The following SMAD6 variants were observed in gnomAD, a reference collection of about 807,000 sequenced individuals.
SMAD6 encodes SMAD family member 6.
Under a neutral mutation model 39.4 loss-of-function variants are expected in SMAD6, and 103 were observed. That is an observed-to-expected ratio of 2.62 (90% CI 2.23 to 3.08). SMAD6 has a LOEUF of 3.08. Ranked by LOEUF, SMAD6 falls within the 30% of genes most tolerant of loss-of-function variation. The pLI is 0.00. For synonymous variants in SMAD6, 445 were observed against 353.3 expected (o/e 1.26, Z -2.91); for missense variants, 1,104 against 742.9 (o/e 1.49, Z -5.65).
intron 1 of SMAD6, among the ~76,000 whole-genome samples, chr15:66,710,043 G>C (rs1174643266): frequency 6.6e-6 from 1 of 152,238 alleles, no homozygotes; most frequent in Admixed American, 6.5e-5. Flanking sequence ...AGGGGTGTAA[G>C]ACAGGGCATC....
intron 3 of SMAD6, chr15:66,740,669 G>A (rs1893797739): frequency 6.6e-6 from 1 of 152,184 alleles, no homozygotes; most frequent in African/African-American, 2.4e-5. Context: ...GCTTGATAAG[G>A]GATGGGGGTT....
rs762357095 is a variant in SMAD6 at position 66,781,242 on chromosome 15, G to T, written c.1198G>T (p.Val400Leu). 1.2e-6 allele frequency: 2 copies of T among 1,608,678 alleles called. No individual in the cohort carries two copies. Among genetic ancestry groups the T allele is most frequent in the African/African-American group, 1.3e-5 (1 of 75,026 alleles). The change falls in exon 4 of 4, where the codon GTG (valine) becomes TTG (leucine). Residue 400 changes from valine (V) to leucine (L), a missense_variant. By Grantham distance (32) the Val-to-Leu change is conservative. Coordinates refer to ENST00000288840, the MANE Select transcript of SMAD6 (RefSeq NM_005585.5). ...GILLSKEPDG[V>L]WAYNRGEHPI... ...CCTGCTCAGCAAGGAGCCCGACGGC[G>T]TGTGGGCCTACAACCGCGGCGAGCA...
intron 3 of SMAD6, among the ~76,000 whole-genome samples, chr15:66,726,476 G>T (rs1288139475): frequency 6.6e-6 from 1 of 152,202 alleles, no homozygotes. Context: ...GGGGCTTCCT[G>T]TGCTGTTTGA....
chr15:66,727,915 C>T (rs1037596023), intron 3 of SMAD6, among the ~76,000 whole-genome samples: 1 of 151,558 alleles, frequency 6.6e-6, no homozygotes, highest in Admixed American at 6.6e-5. Flanking sequence ...TGCAATGGCG[C>T]GATCTCCGCT....
chr15:66,707,156 C>T (rs1276051383), intron 1 of SMAD6: 2 of 152,212 alleles, frequency 1.3e-5, no homozygotes, highest in African/African-American at 2.4e-5. Flanking sequence ...CGGTGGGTGC[C>T]TATGTGGACG....
At position 66,703,991 on chromosome 15, in the gene SMAD6, T is replaced by G; in HGVS notation, c.733T>G (p.Cys245Gly). The G allele has an allele frequency of 6.7e-7, 1 of 1,484,886 alleles. No homozygotes were observed. The highest frequency in any genetic ancestry group is 8.9e-7 in the Non-Finnish European group (1 of 1,125,072). The allele number at this position is 1,484,886 out of a possible 1,614,324, so 92.0% of individuals were successfully genotyped here. Residue 245 changes from cysteine to glycine, a missense_variant, in exon 1 of 4, where the codon TGC (cysteine) becomes GGC (glycine). Cys to Gly is a radical substitution (Grantham distance 159). Transcript: ENST00000288840. ...LQHAVELKPL[C>G]GCHSFAAAAD... ...GCACGCCGTGGAGCTGAAGCCCCTG[T>G]GCGGCTGCCACAGCTTCGCCGCCGC...
intron 1 of SMAD6, among the ~76,000 whole-genome samples, chr15:66,710,322 G>A (rs1259802670): frequency 6.6e-6 from 1 of 152,142 alleles, no homozygotes; most frequent in Admixed American, 6.5e-5. Flanking sequence ...CGTAGACACC[G>A]AGCAAATGTT....
At position 66,748,709 on chromosome 15, in the gene SMAD6, C is replaced by G. The variant is rs1347998360; in HGVS notation, c.952+32211C>G. Among the ~76,000 whole-genome samples, 3 of 152,184 alleles carry G rather than the reference C, an allele frequency of 2.0e-5. No individual in the cohort carries two copies. In the East Asian group the frequency reaches 5.8e-4, roughly 29 times the overall value. On this transcript the variant is annotated intron_variant, in intron 3 of 3. Transcript: ENST00000288840. ...GGGGAGGGAGTTCCTACTCTCCTGC[C>G]CTTCCCCAGGCTTTTCCCCTTCCCT...
chr15:66,761,299 C>T (rs879526579), intron 3 of SMAD6, among the ~76,000 whole-genome samples: 1 of 152,198 alleles, frequency 6.6e-6, no homozygotes, highest in Admixed American at 6.5e-5. Flanking sequence ...TGTGCAGAGA[C>T]TTTCTGGAAA....
At chr15:66,751,692 G>T (rs2140648474) in intron 3 of SMAD6, among the ~76,000 whole-genome samples, 1 of 152,386 alleles carries the variant, frequency 6.6e-6, no homozygotes, top group East Asian at 1.9e-4. Flanking sequence ...CCCGTCTTCA[G>T]TGGGTCATTG....
chr15:66,769,299 A>T (rs959235208), intron 3 of SMAD6, among the ~76,000 whole-genome samples: 15 of 152,004 alleles, frequency 9.9e-5, no homozygotes, highest in Admixed American at 6.6e-4. Flanking sequence ...AAATCTTCCT[A>T]ATTTTGGGAC....
At chr15:66,735,118 A>T (rs1397179347) in intron 3 of SMAD6, among the ~76,000 whole-genome samples, 1 of 152,210 alleles carries the variant, frequency 6.6e-6, no homozygotes, top group Non-Finnish European at 1.5e-5. Flanking sequence ...CAGCGTCATG[A>T]TGAGGATGCC....
At chr15:66,714,161 C>G (rs1893283265) in intron 2 of SMAD6, among the ~76,000 whole-genome samples, 1 of 152,160 alleles carries the variant, frequency 6.6e-6, no homozygotes, top group Admixed American at 6.5e-5. Flanking sequence ...GATCATCGCC[C>G]TGAGGTTTTG....
intron 3 of SMAD6, among the ~76,000 whole-genome samples, chr15:66,726,098 G>A (rs1595772246): frequency 6.6e-6 from 1 of 152,186 alleles, no homozygotes. Context: ...CTGGGCCCGA[G>A]GGATGTGCAG....
intron 3 of SMAD6, among the ~76,000 whole-genome samples, chr15:66,721,729 T>G (rs1401520991): frequency 6.6e-6 from 1 of 152,184 alleles, no homozygotes; most frequent in African/African-American, 2.4e-5. Flanking sequence ...GCCATCACAG[T>G]GTTCCAGGCA....
intron 3 of SMAD6, among the ~76,000 whole-genome samples, chr15:66,722,521 T>C (rs1246148951): frequency 3.3e-5 from 5 of 152,128 alleles, no homozygotes; most frequent in Non-Finnish European, 1.5e-5. Context: ...CTAGAGGCAG[T>C]GGACAGGTTG....
At chr15:66,754,148 A>T (rs1371855422) in intron 3 of SMAD6, among the ~76,000 whole-genome samples, 1 of 152,098 alleles carries the variant, frequency 6.6e-6, no homozygotes, top group Non-Finnish European at 1.5e-5. Flanking sequence ...TCTCCACCTG[A>T]CTCTGTTGTA....
chr15:66,752,020 C>A (rs12439327), intron 3 of SMAD6, among the ~76,000 whole-genome samples: 94,647 of 149,198 alleles, frequency 0.63, 31,199 homozygotes, highest in Admixed American at 0.73. Context: ...CATAATAAAA[C>A]CCCCTTCATT....
In SMAD6 at chr15:66,781,237, ACGGCGTGTGGGCCTACAACCG is replaced by A; in HGVS notation, c.1199_1219del (p.Val400_Gly406del). The A allele has an allele frequency of 6.2e-7, 1 of 1,608,692 alleles. No homozygotes were observed. The highest frequency in any genetic ancestry group is 8.5e-7 in the Non-Finnish European group (1 of 1,179,608). On this transcript the variant is annotated inframe_deletion, in exon 4 of 4. Coordinates refer to ENST00000288840, the MANE Select transcript of SMAD6 (RefSeq NM_005585.5). ...GGCATCCTGCTCAGCAAGGAGCCCG[ACGGCGTGTGGGCCTACAACCG>A]CGGCGAGCACCCCATCTTCGTCAAC...
Sources: gnomAD v4.1 joint callset for allele counts (sites outside exome capture counted in the v4.1 genomes callset) on GRCh38, gnomAD v4.1.1 for gene constraint, MANE v1.5 for transcripts, NCBI Gene and HGNC (gene_info 2026-07-23, HGNC 2026-07-21) for gene names.